OTC: variants seen among roughly 807,000 people sequenced by gnomAD.
The protein encoded by OTC is ornithine transcarbamylase.
A neutral mutation model predicts 30.3 loss-of-function variants in OTC; 3 were observed. That is an observed-to-expected ratio of 0.10 (90% CI 0.05 to 0.26). The LOEUF (loss-of-function observed/expected upper bound fraction) is 0.26, where lower values mean the gene tolerates loss of function less well. Among genes scored for constraint, OTC ranks in the 10% least tolerant of loss-of-function variants. The probability of loss-of-function intolerance (pLI) is 1.00; values close to 1 mark genes in which losing one functional copy is unlikely to be tolerated. For synonymous variants in OTC, 111 were observed against 99.7 expected, an observed-to-expected ratio of 1.11 and a Z score of -0.67; for missense variants, 194 against 260.3, an observed-to-expected ratio of 0.75 and a Z score of 1.75.
At chrX:38,380,391 T>C (rs1311584751) in intron 3 of OTC, among the ~76,000 whole-genome samples, 2 of 112,324 alleles carry the variant, frequency 1.8e-5, no homozygotes, top group Non-Finnish European at 3.8e-5. Flanking sequence ...GTAATGTTTG[T>C]AAAATTCCTT....
Position 38,408,996 on chromosome X carries a change from G to A in OTC, c.838G>A (p.Ala280Thr). 1 of 1,211,590 alleles carries A rather than the reference G, an allele frequency of 8.3e-7. No individual in the cohort carries two copies. ...QEEEKKKRLQ[A>T]FQGYQVTMKT... Reference sequence around the variant, plus strand: ...AGAGGAGAAGAAAAAGCGGCTCCAGGCTTTCCAAGGTTACCAGGTTACAAT... The same window carrying A: ...AGAGGAGAAGAAAAAGCGGCTCCAGACTTTCCAAGGTTACCAGGTTACAAT... The change falls in exon 8 of 10, where the codon GCT (alanine) becomes ACT (threonine). Residue 280 changes from alanine to threonine, a missense_variant. Coordinates refer to ENST00000039007, the MANE Select transcript of OTC (RefSeq NM_000531.6).
At chrX:38,360,671 C>A (rs1220936958) in intron 1 of OTC, among the ~76,000 whole-genome samples, 1 of 111,450 alleles carries the variant, frequency 9.0e-6, no homozygotes, top group East Asian at 2.8e-4. Context: ...CCCTCCTTTG[C>A]GATATCCCAA....
chrX:38,359,187 C>T (rs868667959), intron 1 of OTC, among the ~76,000 whole-genome samples: 2 of 111,451 alleles, frequency 1.8e-5, no homozygotes, highest in Non-Finnish European at 3.8e-5. Context: ...GGTTTTGGCC[C>T]TTGACTCATA....
chrX:38,364,203 G>A (rs2068284530), intron 1 of OTC, among the ~76,000 whole-genome samples: 1 of 111,626 alleles, frequency 9.0e-6, no homozygotes, highest in Non-Finnish European at 1.9e-5. Flanking sequence ...TTATTTTCGT[G>A]TATGTTTTGT....
chrX:38,398,718 C>A (rs908379091), intron 4 of OTC, among the ~76,000 whole-genome samples: 8 of 111,149 alleles, frequency 7.2e-5, no homozygotes, highest in African/African-American at 2.6e-4. Flanking sequence ...ACATATCTAC[C>A]TCCACTTAAG....
At chrX:38,420,181 A>G in intron 9 of OTC, among the ~76,000 whole-genome samples, 1 of 111,249 alleles carries the variant, frequency 9.0e-6, no homozygotes, top group African/African-American at 3.3e-5. Context: ...AGAGTCAGAG[A>G]AAACCAGGGT....
chrX:38,340,825 C>T, the OTC span, among the ~76,000 whole-genome samples: 5 of 109,099 alleles, frequency 4.6e-5, no homozygotes, highest in Admixed American at 4.0e-4. Context: ...GAGACAGTGT[C>T]TTGCTCTGTC....
intron 4 of OTC, among the ~76,000 whole-genome samples, chrX:38,392,727 C>G: frequency 8.9e-6 from 1 of 111,790 alleles, no homozygotes; most frequent in South Asian, 3.7e-4. Context: ...TCTCCACCCC[C>G]ATATCATTGG....
intron 3 of OTC, among the ~76,000 whole-genome samples, chrX:38,375,114 A>C (rs541362499): frequency 8.9e-6 from 1 of 111,979 alleles, no homozygotes; most frequent in South Asian, 3.8e-4. Flanking sequence ...CGGGAGTGAT[A>C]CCTCAGTAGA....
chrX:38,327,782 A>G, the OTC span, among the ~76,000 whole-genome samples: 1 of 112,978 alleles, frequency 8.9e-6, no homozygotes, highest in African/African-American at 3.2e-5. Flanking sequence ...ATGAGTGGCA[A>G]ACGTCACAAA....
intron 4 of OTC, among the ~76,000 whole-genome samples, chrX:38,398,285 A>G (rs747420815): frequency 3.6e-5 from 4 of 111,790 alleles, no homozygotes; most frequent in Non-Finnish European, 7.5e-5. Context: ...CAAGGTTTTA[A>G]AAGGCCTTGA....
At chrX:38,335,781 A>C in the OTC span, among the ~76,000 whole-genome samples, 1 of 112,219 alleles carries the variant, frequency 8.9e-6, no homozygotes, top group Non-Finnish European at 1.9e-5. Context: ...CAGGCTTGAA[A>C]ATTCTGAGTG....
chrX:38,355,542 G>C (rs750991630), intron 1 of OTC, among the ~76,000 whole-genome samples: 2 of 112,240 alleles, frequency 1.8e-5, no homozygotes, highest in South Asian at 7.4e-4. Flanking sequence ...GAGGTGACTA[G>C]TTTTCAGGTG....
chrX:38,352,063 C>A (rs1159090648), upstream of OTC, among the ~76,000 whole-genome samples: 1 of 112,466 alleles, frequency 8.9e-6, no homozygotes, highest in African/African-American at 3.2e-5. Context: ...GCCCGGCCAG[C>A]AATTATTTCT....
chrX:38,365,785 T>G (rs996931159), intron 1 of OTC, among the ~76,000 whole-genome samples: 1 of 111,753 alleles, frequency 8.9e-6, no homozygotes, highest in African/African-American at 3.3e-5. Flanking sequence ...TATACCAGGA[T>G]GGACCTGACA....
chrX:38,364,863 T>C (rs1388996536), intron 1 of OTC, among the ~76,000 whole-genome samples: 1 of 111,493 alleles, frequency 9.0e-6, no homozygotes, highest in Non-Finnish European at 1.9e-5. Context: ...ATGGAAATTC[T>C]CTTCCCTACT....
At chrX:38,413,943 G>A (rs1351984200) in intron 9 of OTC, among the ~76,000 whole-genome samples, 1 of 110,176 alleles carries the variant, frequency 9.1e-6, no homozygotes, top group Non-Finnish European at 1.9e-5. Flanking sequence ...AAAAGCACTG[G>A]GATTACAGGC....
At chrX:38,374,407 C>A (rs1343035557) in intron 3 of OTC, among the ~76,000 whole-genome samples, 1 of 109,765 alleles carries the variant, frequency 9.1e-6, no homozygotes, top group Non-Finnish European at 1.9e-5. Context: ...CCTGGTAAAC[C>A]GGCAAATTCT....
the OTC span, among the ~76,000 whole-genome samples, chrX:38,344,531 C>T: frequency 9.0e-6 from 1 of 110,792 alleles, no homozygotes; most frequent in Non-Finnish European, 1.9e-5. Context: ...AATTGGGCAT[C>T]CACATGTGGA....
Sources: gnomAD v4.1 joint callset for allele counts (sites outside exome capture counted in the v4.1 genomes callset) on GRCh38, gnomAD v4.1.1 for gene constraint, MANE v1.5 for transcripts, NCBI Gene and HGNC (gene_info 2026-07-23, HGNC 2026-07-21) for gene names.